PTPRD: variants seen among roughly 807,000 people sequenced by gnomAD.
The protein encoded by PTPRD is receptor-type tyrosine-protein phosphatase delta.
A neutral mutation model predicts 214.5 loss-of-function variants in PTPRD; 34 were observed. The observed-to-expected ratio is 0.16, with a 90% CI of 0.12 to 0.21. PTPRD has a LOEUF of 0.21. PTPRD is among the 10% of genes least tolerant of loss of function. The pLI is 1.00. For missense variants in PTPRD, 2,545 were observed against 2,398.7 expected, an observed-to-expected ratio of 1.06 and a Z score of -1.27; for synonymous variants, 1,128 against 845.7, an observed-to-expected ratio of 1.33 and a Z score of -5.79.
At chr9:9,283,774 A>G (rs1471720281) in intron 9 of PTPRD, among the ~76,000 whole-genome samples, 1 of 151,684 alleles carries the variant, frequency 6.6e-6, no homozygotes, top group Non-Finnish European at 1.5e-5. Flanking sequence ...ATTGGACTGC[A>G]TTAATCATAG....
intron 2 of PTPRD, among the ~76,000 whole-genome samples, chr9:10,446,718 A>T (rs2098802466): frequency 6.6e-6 from 1 of 152,128 alleles, no homozygotes; most frequent in South Asian, 2.1e-4. Flanking sequence ...CTGCTGCCCT[A>T]ATCACCAGTA....
At chr9:8,538,569 G>C (rs1270094976) in intron 14 of PTPRD, among the ~76,000 whole-genome samples, 1 of 151,410 alleles carries the variant, frequency 6.6e-6, no homozygotes, top group Non-Finnish European at 1.5e-5. Context: ...TGTAGTGTTG[G>C]ATTGGAACTA....
chr9:8,666,181 A>T (rs1555067207), intron 12 of PTPRD, among the ~76,000 whole-genome samples: 2 of 152,112 alleles, frequency 1.3e-5, no homozygotes, highest in Non-Finnish European at 2.9e-5. Flanking sequence ...TAAATTGAAG[A>T]TTTTTTTCCC....
At chr9:9,328,712 C>T (rs117266598) in intron 9 of PTPRD, among the ~76,000 whole-genome samples, 4,609 of 134,156 alleles carry the variant, frequency 0.034, 110 homozygotes, top group Middle Eastern at 0.068. Context: ...TCTTGGCTCA[C>T]TGCAACCTGT....
intron 9 of PTPRD, among the ~76,000 whole-genome samples, chr9:9,200,528 T>A (rs2099941265): frequency 6.6e-6 from 1 of 152,204 alleles, no homozygotes; most frequent in East Asian, 1.9e-4. Flanking sequence ...TACAACCCTC[T>A]CACTTTATAG....
intron 6 of PTPRD, among the ~76,000 whole-genome samples, chr9:9,743,750 A>ACACACT (rs1280429403): frequency 6.7e-6 from 1 of 150,194 alleles, no homozygotes; most frequent in East Asian, 1.9e-4. Flanking sequence ...ACACACACAC[A>ACACACT]CACACACACA....
chr9:9,002,107 T>C (rs529231859), intron 11 of PTPRD, among the ~76,000 whole-genome samples: 39 of 152,032 alleles, frequency 2.6e-4, no homozygotes, highest in African/African-American at 9.4e-4. Context: ...TTTTCCCTGT[T>C]TTACAAGAAT....
At chr9:9,822,618 T>C (rs935641011) in intron 5 of PTPRD, among the ~76,000 whole-genome samples, 5 of 151,512 alleles carry the variant, frequency 3.3e-5, no homozygotes, top group African/African-American at 1.2e-4. Context: ...AATGTTATTT[T>C]TTAAAGATAT....
chr9:9,114,453 T>G (rs191249725), intron 10 of PTPRD, among the ~76,000 whole-genome samples: 1 of 152,124 alleles, frequency 6.6e-6, no homozygotes. Context: ...TTTGGTCCTG[T>G]AGGTGGGCAC....
At chr9:10,481,251 G>A (rs1272578128) in intron 2 of PTPRD, among the ~76,000 whole-genome samples, 2 of 152,016 alleles carry the variant, frequency 1.3e-5, no homozygotes, top group Non-Finnish European at 2.9e-5. Flanking sequence ...TGGGTGAGGG[G>A]CATTTTAGGT....
intron 9 of PTPRD, among the ~76,000 whole-genome samples, chr9:9,384,219 T>C (rs564701546): frequency 2.6e-4 from 39 of 151,834 alleles, no homozygotes; most frequent in African/African-American, 9.2e-4. Flanking sequence ...TAGAAGATGA[T>C]GAATAAATCT....
intron 2 of PTPRD, among the ~76,000 whole-genome samples, chr9:10,410,857 T>C (rs1214309327): frequency 6.6e-6 from 1 of 151,734 alleles, no homozygotes; most frequent in Non-Finnish European, 1.5e-5. Context: ...TTAAGACTAG[T>C]GTGTTTGGAA....
chr9:9,291,483 G>A lies in PTPRD; in HGVS notation c.-203+105966C>T, dbSNP rs556106226. Among the ~76,000 whole-genome samples the A allele has an allele frequency of 4.6e-5, 7 of 151,480 alleles. No individual in the cohort carries two copies. In the East Asian group the frequency reaches 1.2e-3, roughly 25 times the overall value. ...AACCTTTAGCTCTGAAAATTTATTA[G>A]AGATTTTGATTAGATTTTAACTTAC... On this transcript the variant is annotated intron_variant, in intron 9 of 45. Coordinates refer to ENST00000381196, the MANE Select transcript of PTPRD (RefSeq NM_002839.4).
intron 11 of PTPRD, among the ~76,000 whole-genome samples, chr9:8,812,404 T>G (rs957953599): frequency 5.3e-5 from 8 of 152,182 alleles, no homozygotes; most frequent in Non-Finnish European, 8.8e-5. Flanking sequence ...TTGGGTAAAG[T>G]TTCCATGTAT....
intron 3 of PTPRD, among the ~76,000 whole-genome samples, chr9:10,111,965 G>C (rs1333988401): frequency 6.6e-6 from 1 of 152,154 alleles, no homozygotes; most frequent in Admixed American, 6.5e-5. Flanking sequence ...GCTAAGTCCA[G>C]CAGATGTACT....
At chr9:9,166,889 T>C (rs1203213337) in intron 10 of PTPRD, among the ~76,000 whole-genome samples, 1 of 152,216 alleles carries the variant, frequency 6.6e-6, no homozygotes, top group Non-Finnish European at 1.5e-5. Flanking sequence ...AAGAGTCATA[T>C]AGCTGGACCA....
At chr9:8,530,612 T>C (rs933899272) in intron 14 of PTPRD, among the ~76,000 whole-genome samples, 10 of 152,086 alleles carry the variant, frequency 6.6e-5, no homozygotes, top group Non-Finnish European at 7.4e-5. Flanking sequence ...AGCCTGGGTT[T>C]CCAGATTTTA....
At chr9:8,890,859 G>A (rs2098533066) in intron 11 of PTPRD, among the ~76,000 whole-genome samples, 1 of 152,152 alleles carries the variant, frequency 6.6e-6, no homozygotes, top group Admixed American at 6.5e-5. Context: ...GGCTAAAAAT[G>A]AGGGCGTGAG....
chr9:9,024,189 C>A (rs12684760), intron 10 of PTPRD, among the ~76,000 whole-genome samples: 3 of 151,296 alleles, frequency 2.0e-5, no homozygotes, highest in Admixed American at 6.6e-5. Context: ...GCTATGTTCT[C>A]TTTTTTACTT....
Sources: gnomAD v4.1 joint callset for allele counts (sites outside exome capture counted in the v4.1 genomes callset) on GRCh38, gnomAD v4.1.1 for gene constraint, MANE v1.5 for transcripts, NCBI Gene and HGNC (gene_info 2026-07-23, HGNC 2026-07-21) for gene names.